FAM20B: variants seen among roughly 807,000 people sequenced by gnomAD.
FAM20B encodes FAM20B glycosaminoglycan xylosylkinase.
A neutral mutation model predicts 43.8 loss-of-function variants in FAM20B; 23 were observed. That is an observed-to-expected ratio of 0.53 (90% CI 0.38 to 0.74). The LOEUF (loss-of-function observed/expected upper bound fraction) is 0.74, where lower values mean the gene tolerates loss of function less well. Among genes scored for constraint, FAM20B ranks in the 30% least tolerant of loss-of-function variants. The probability of loss-of-function intolerance (pLI) is 0.00; values close to 1 mark genes in which losing one functional copy is unlikely to be tolerated. For missense variants in FAM20B, 440 were observed against 510.5 expected, an observed-to-expected ratio of 0.86 and a Z score of 1.33; for synonymous variants, 178 against 192.4, an observed-to-expected ratio of 0.93 and a Z score of 0.62.
intron 1 of FAM20B, among the ~76,000 whole-genome samples, chr1:179,028,910 G>A (rs768519517): frequency 6.6e-6 from 1 of 152,158 alleles, no homozygotes; most frequent in African/African-American, 2.4e-5. Context: ...GAAAAAAAAA[G>A]CGTAGAAAAT....
Sources: allele counts gnomAD v4.1 joint callset (sites outside exome capture counted in the v4.1 genomes callset), GRCh38; gene constraint gnomAD v4.1.1; transcripts MANE v1.5; gene names NCBI Gene and HGNC (gene_info 2026-07-23, HGNC 2026-07-21).